FYTTD1: variants seen among roughly 807,000 people sequenced by gnomAD.
The protein encoded by FYTTD1 is forty-two-three domain containing 1.
A neutral mutation model predicts 40.9 loss-of-function variants in FYTTD1; 22 were observed. The observed-to-expected ratio is 0.54, with a 90% confidence interval of 0.38 to 0.77. The LOEUF is 0.77. FYTTD1 is among the 30% of genes least tolerant of loss of function. The probability of loss-of-function intolerance (pLI) is 0.00; values close to 1 mark genes in which losing one functional copy is unlikely to be tolerated. For missense variants in FYTTD1, 351 were observed against 392.2 expected (o/e 0.90, Z 0.89); for synonymous variants, 140 against 137.9 (o/e 1.01, Z -0.10).
chr3:197,754,595 G>C (rs1367159466), intron 1 of FYTTD1, among the ~76,000 whole-genome samples: 1 of 150,056 alleles, frequency 6.7e-6, no homozygotes, highest in Non-Finnish European at 1.5e-5. Context: ...TGTTTTATTT[G>C]CTTTCTCAAT....
intron 2 of FYTTD1, among the ~76,000 whole-genome samples, chr3:197,762,580 C>G (rs1404289905): frequency 7.3e-6 from 1 of 136,098 alleles, no homozygotes; most frequent in African/African-American, 2.8e-5. Flanking sequence ...CAGAGCGAGA[C>G]TCTGTCTCAA....
intron 1 of FYTTD1, chr3:197,755,524 CA>C: frequency 6.0e-6 from 1 of 167,772 alleles, no homozygotes. Flanking sequence ...TGGCTCACTG[CA>C]ACCTCTGCCT....
chr3:197,764,510 C>T (rs1263395982), intron 2 of FYTTD1, among the ~76,000 whole-genome samples: 1 of 151,982 alleles, frequency 6.6e-6, no homozygotes, highest in Non-Finnish European at 1.5e-5. Flanking sequence ...GAGTTCAAGA[C>T]CAGCCTGGCC....
At chr3:197,760,302 G>A (rs1729341621) in intron 2 of FYTTD1, among the ~76,000 whole-genome samples, 1 of 151,942 alleles carries the variant, frequency 6.6e-6, no homozygotes, top group Non-Finnish European at 1.5e-5. Flanking sequence ...GCGGTAGAAT[G>A]TATGGAGTGT....
Position 197,765,587 on chromosome 3 carries a change from C to T in FYTTD1, c.236-2852C>T, listed in dbSNP as rs114371771. Among the ~76,000 whole-genome samples, 11 of 152,176 alleles carry T rather than the reference C, an allele frequency of 7.2e-5. No homozygotes were observed. In the South Asian group the frequency reaches 2.1e-3, roughly 29 times the overall value. On this transcript the variant is annotated intron_variant, in intron 2 of 8. Transcript: ENST00000241502. The stretch of plus-strand genomic sequence containing the variant: ...TAAAAACTAAAGACTTTAAGCCAGC[C>T]GTGGTGGCTCACGCCTGTAACCCCA...
chr3:197,763,171 T>C (rs1057040964), intron 2 of FYTTD1, among the ~76,000 whole-genome samples: 6 of 152,308 alleles, frequency 3.9e-5, no homozygotes, highest in Admixed American at 2.6e-4. Context: ...CCCAGCACTT[T>C]GGGAGCCCGA....
At chr3:197,781,608 T>G (rs1730029964) in intron 8 of FYTTD1, among the ~76,000 whole-genome samples, 1 of 152,174 alleles carries the variant, frequency 6.6e-6, no homozygotes, top group Admixed American at 6.5e-5. Flanking sequence ...GTATGACTTC[T>G]AGGCATTATA....
intron 4 of FYTTD1, among the ~76,000 whole-genome samples, chr3:197,771,118 G>A (rs191487168): frequency 6.6e-6 from 1 of 152,284 alleles, no homozygotes; most frequent in Non-Finnish European, 1.5e-5. Flanking sequence ...TACTTACGAG[G>A]CTGAGGCAGG....
rs938743162 is a variant in FYTTD1 at position 197,777,680 on chromosome 3, T to G, written c.732-658T>G. On this transcript the variant is annotated intron_variant, in intron 7 of 8. Transcript: ENST00000241502. ...TCTTTAAATTTATTGCTTTATAAAC[T>G]TTGTCAATTTATGGAGCTTATGTTC... is the stretch of plus-strand genomic sequence containing the variant. Among the ~76,000 whole-genome samples the G allele has an allele frequency of 6.6e-5, 10 of 152,174 alleles. No homozygotes were observed. The East Asian group carries it at 1.9e-3, about 29-fold the overall frequency.
chr3:197,769,630 C>T (rs1326914459), intron 3 of FYTTD1, among the ~76,000 whole-genome samples: 1 of 152,158 alleles, frequency 6.6e-6, no homozygotes, highest in African/African-American at 2.4e-5. Context: ...TCGCCTCTAA[C>T]CACGTCTACT....
rs185543169 is a variant in FYTTD1, at chr3:197,776,298, C to T, written c.657-629C>T. On this transcript the variant is annotated intron_variant, in intron 6 of 8. Transcript: ENST00000241502. ...TCAGTTCACTGCAACCTCCCCCTCC[C>T]GGGTTCAAGCAGTTCTCTGCCTCAG... 3.1e-3 allele frequency among the ~76,000 whole-genome samples: 472 copies of T among 151,376 alleles called. 3 individuals are homozygous for T. Among genetic ancestry groups the T allele is most frequent in the African/African-American group, 0.011 (456 of 41,204 alleles).
rs1730126888 is a variant in FYTTD1 at position 197,785,158 on chromosome 3, G to A, written c.*3249G>A. On this transcript the variant is annotated 3_prime_UTR_variant, in exon 9 of 9. Transcript: ENST00000241502. ...TGGGTTAGGTAGACCTGTTAGAAAA[G>A]TCCAGTGTTCCTAATCAGATATGCA... 6.6e-6 allele frequency: 1 copy of A among 152,168 alleles called. No homozygotes were observed. Among genetic ancestry groups the A allele is most frequent in the African/African-American group, 2.4e-5 (1 of 41,440 alleles). The allele number at this position is 152,168 out of a possible 1,614,324, so 9.4% of individuals were successfully genotyped here.
chr3:197,778,391 G>A lies in FYTTD1; in HGVS notation c.785G>A (p.Arg262Gln), dbSNP rs375775050. The change falls in exon 8 of 9, where the codon CGG becomes CAG. Residue 262 changes from arginine (R) to glutamine (Q), a missense_variant. Coordinates refer to ENST00000241502, the MANE Select transcript of FYTTD1 (RefSeq NM_032288.7). ...GCTGTACCTTCATTTTTAACAAAGC[G>A]GGAGCAAAGTGACGTCAAGAAAGTT... ...RTAVPSFLTK[R>Q]EQSDVKKVPK... The A allele has an allele frequency of 6.8e-6, 11 of 1,611,836 alleles. No homozygotes were observed. The highest frequency in any genetic ancestry group is 9.3e-6 in the Non-Finnish European group (11 of 1,178,352).
Position 197,782,070 on chromosome 3 carries a change from T to A in FYTTD1, c.*161T>A. 2.2e-6 allele frequency: 1 copy of A among 446,898 alleles called. No homozygotes were observed. Among genetic ancestry groups the A allele is most frequent in the Non-Finnish European group, 4.1e-6 (1 of 245,666 alleles). The allele number at this position is 446,898 out of a possible 1,614,324, so 27.7% of individuals were successfully genotyped here. On this transcript the variant is annotated 3_prime_UTR_variant, in exon 9 of 9. Coordinates refer to ENST00000241502, the MANE Select transcript of FYTTD1 (RefSeq NM_032288.7). ...TTTTTTTTTTAAAAAAAAAAACGTA[T>A]AAAATAATGCCCTGAAAGAATAATA...
chr3:197,754,444 A>G (rs1008837359), intron 1 of FYTTD1, among the ~76,000 whole-genome samples: 2 of 152,182 alleles, frequency 1.3e-5, no homozygotes, highest in African/African-American at 4.8e-5. Context: ...GGTTAGGTAG[A>G]ACAGTAATAT....
intron 5 of FYTTD1, 86 bp downstream of exon 5, chr3:197,773,585 A>G (rs1410693152): frequency 4.1e-6 from 3 of 726,198 alleles, no homozygotes; most frequent in African/African-American, 3.5e-5. Flanking sequence ...AGTAAGCCTC[A>G]GTCATAGGCA....
chr3:197,761,339 ATGTTCTTCAGTGGTAGAATGTATAGAAT>A (rs1729382175), intron 2 of FYTTD1, among the ~76,000 whole-genome samples: 7 of 143,732 alleles, frequency 4.9e-5, no homozygotes, highest in African/African-American at 1.8e-4. Context: ...AGTGTATAGC[ATGTTCTTCAGTGGTAGAATGTATAGAAT>A]TGTTCTTCAG....
rs755134168 is a variant in FYTTD1 at position 197,750,066 on chromosome 3, T to G, written c.95T>G (p.Met32Arg). Residue 32 changes from methionine (M) to arginine (R), a missense_variant, in exon 1 of 9, where the codon ATG (methionine) becomes AGG (arginine). Physicochemically the swap from Met to Arg is moderately conservative, Grantham distance 91. Coordinates refer to ENST00000241502, the MANE Select transcript of FYTTD1 (RefSeq NM_032288.7). ...AATGAAAACCTCGACAAAATAGATA[T>G]GTCTTTGGGTGAGGGGCCGAGTTGG... The part of the protein sequence containing the change: ...RSNENLDKID[M>R]SLDDIIKLNR... The G allele has an allele frequency of 6.4e-7, 1 of 1,568,766 alleles. No homozygotes were observed. The highest frequency in any genetic ancestry group is 8.6e-7 in the Non-Finnish European group (1 of 1,158,430).
intron 2 of FYTTD1, among the ~76,000 whole-genome samples, chr3:197,764,184 C>G (rs1729471196): frequency 6.6e-6 from 1 of 152,126 alleles, no homozygotes; most frequent in Non-Finnish European, 1.5e-5. Context: ...AAGACTGTTG[C>G]ATTGGATGAA....
Sources: gnomAD v4.1 joint callset for allele counts (sites outside exome capture counted in the v4.1 genomes callset) on GRCh38, gnomAD v4.1.1 for gene constraint, MANE v1.5 for transcripts, NCBI Gene and HGNC (gene_info 2026-07-23, HGNC 2026-07-21) for gene names.